LSM8: variants seen among roughly 807,000 people sequenced by gnomAD.
LSM8 encodes the protein LSM8 homolog, U6 small nuclear RNA associated.
Under a neutral mutation model 15.0 loss-of-function variants are expected in LSM8, and 14 were observed. The ratio of observed to expected loss-of-function variants is 0.93; its 90% CI spans 0.62 to 1.46. The LOEUF is 1.46. Ranked by LOEUF, LSM8 falls within the 40% of genes most tolerant of loss-of-function variation. LSM8 has a pLI of 0.00. For missense variants in LSM8, 90 were observed against 115.4 expected, an observed-to-expected ratio of 0.78 and a Z score of 1.01; for synonymous variants, 50 against 42.1, an observed-to-expected ratio of 1.19 and a Z score of -0.73.
Position 118,192,837 on chromosome 7 carries a change from CTAT to C in LSM8, c.*840_*842del, listed in dbSNP as rs770100577. On this transcript the variant is annotated 3_prime_UTR_variant, in exon 4 of 4. Transcript: ENST00000249299. ...TAAGTTTGTATTGAAGTAGTGCTAG[CTAT>C]TATTGTCAGCAATTTTCCATGATTC... The C allele has an allele frequency of 3.3e-5, 5 of 152,032 alleles. No homozygotes were observed. The highest frequency in any genetic ancestry group is 4.4e-5 in the Non-Finnish European group (3 of 67,966). 9.4% of individuals were successfully genotyped at this position (152,032 alleles called of 1,614,324 possible).
chr7:118,200,926 C>T lies in LSM8; in HGVS notation c.*8924C>T, dbSNP rs998522045. Among the ~76,000 whole-genome samples the T allele has an allele frequency of 2.0e-5, 3 of 151,998 alleles. No homozygotes were observed. Among genetic ancestry groups the T allele is most frequent in the Admixed American group, 1.3e-4 (2 of 15,224 alleles). On this transcript the variant is annotated 3_prime_UTR_variant, in exon 4 of 4. Coordinates refer to ENST00000249299, the MANE Select transcript of LSM8 (RefSeq NM_016200.5). ...ATTAATGGGCTAAATTTCCCATTAG[C>T]AAACACTTTTCACATATACACTAAT...
intron 3 of LSM8, chr7:118,191,141 C>T (rs1808974772): frequency 6.6e-6 from 1 of 151,728 alleles, no homozygotes; most frequent in Non-Finnish European, 1.5e-5. Flanking sequence ...TCATTAAAAC[C>T]AAACAAATGT....
In LSM8 at chr7:118,202,479, A is replaced by G. The variant is rs927231702; in HGVS notation, c.*10477A>G. ...ATTTGCCTGTCATCTCGTGACTCAT[A>G]TTTTCCATCTAATTAGAATAAAGAA... On this transcript the variant is annotated 3_prime_UTR_variant, in exon 4 of 4. Coordinates refer to ENST00000249299, the MANE Select transcript of LSM8 (RefSeq NM_016200.5). Among the ~76,000 whole-genome samples the G allele has an allele frequency of 6.6e-6, 1 of 151,944 alleles. No homozygotes were observed. Among genetic ancestry groups the G allele is most frequent in the Non-Finnish European group, 1.5e-5 (1 of 67,944 alleles).
chr7:118,186,536 C>T (rs1366672610), intron 2 of LSM8, among the ~76,000 whole-genome samples: 1 of 152,026 alleles, frequency 6.6e-6, no homozygotes, highest in African/African-American at 2.4e-5. Flanking sequence ...AAAGTTCTAG[C>T]TTTGTCCTTT....
rs1809014298 is a variant in LSM8, at chr7:118,193,156, G to C, written c.*1154G>C. On this transcript the variant is annotated 3_prime_UTR_variant, in exon 4 of 4. Coordinates refer to ENST00000249299, the MANE Select transcript of LSM8 (RefSeq NM_016200.5). ...CCAGATAGTCTTTTAGGCTTTGAAG[G>C]CCATGTGGTCTGTCACAGCTACTCA... Among the ~76,000 whole-genome samples the C allele has an allele frequency of 6.6e-6, 1 of 152,082 alleles. No individual in the cohort carries two copies. The highest frequency in any genetic ancestry group is 2.4e-5 in the African/African-American group (1 of 41,440).
At position 118,196,028 on chromosome 7, in the gene LSM8, A is replaced by G. The variant is rs1350583886; in HGVS notation, c.*4026A>G. Among the ~76,000 whole-genome samples, 3 of 152,216 alleles carry G rather than the reference A, an allele frequency of 2.0e-5. No homozygotes were observed. The highest frequency in any genetic ancestry group is 4.4e-5 in the Non-Finnish European group (3 of 68,042). On this transcript the variant is annotated 3_prime_UTR_variant, in exon 4 of 4. Coordinates refer to ENST00000249299, the MANE Select transcript of LSM8 (RefSeq NM_016200.5). ...TCATTCCTCTGTATAGTGGGAAACC[A>G]TGAGACGTGCTTAGTCTTCATAAAT...
Position 118,201,679 on chromosome 7 carries a change from T to C in LSM8, c.*9677T>C, listed in dbSNP as rs114623859. Among the ~76,000 whole-genome samples, 982 of 152,112 alleles carry C rather than the reference T, an allele frequency of 6.5e-3. 9 individuals carry two copies. The highest frequency in any genetic ancestry group is 0.022 in the African/African-American group (917 of 41,526). ...CTTTTACTGCAAAAATAAAAATGAG[T>C]TTATCCTTGCCCTAAAGCTGTAAAA... On this transcript the variant is annotated 3_prime_UTR_variant, in exon 4 of 4. Coordinates refer to ENST00000249299, the MANE Select transcript of LSM8 (RefSeq NM_016200.5).
Position 118,184,248 on chromosome 7 carries a change from A to G in LSM8, c.25A>G (p.Ile9Val). The change falls in exon 1 of 4, where the codon ATC (isoleucine) becomes GTC (valine). Residue 9 changes from isoleucine to valine, a missense_variant. Physicochemically the swap from Ile to Val is conservative, Grantham distance 29. Coordinates refer to ENST00000249299, the MANE Select transcript of LSM8 (RefSeq NM_016200.5). The stretch of plus-strand genomic sequence containing the variant: ...CATGACGTCCGCTTTGGAGAACTAC[A>G]TCAACCGTATCCTCAAGCTGGCCGC... MTSALENY[I>V]NRTVAVITSD... is the part of the protein sequence containing the mutation. 2 of 1,523,372 alleles carry G rather than the reference A, an allele frequency of 1.3e-6. No homozygotes were observed. The highest frequency in any genetic ancestry group is 1.8e-6 in the Non-Finnish European group (2 of 1,130,796). The allele number at this position is 1,523,372 out of a possible 1,614,324, so 94.4% of individuals were successfully genotyped here.
chr7:118,184,183 T>TCGGCACCGCTGCGTTACC lies in LSM8; in HGVS notation c.-37_-20dup. ...CGCGCCCTTTCAGTTCTGCTTGCTGTCGGCACCGCTGCGTTACCCGGAACC... is the reference window on the plus strand; with the variant it reads ...CGCGCCCTTTCAGTTCTGCTTGCTGTCGGCACCGCTGCGTTACCCGGCACCGCTGCGTTACCCGGAACC... On this transcript the variant is annotated 5_prime_UTR_variant, in exon 1 of 4. Transcript: ENST00000249299. The TCGGCACCGCTGCGTTACC allele has an allele frequency of 1.3e-6, 2 of 1,544,662 alleles. No individual in the cohort carries two copies. The highest frequency in any genetic ancestry group is 2.5e-5 in the East Asian group (1 of 39,722).
intron 2 of LSM8, among the ~76,000 whole-genome samples, chr7:118,187,429 T>C (rs1808905496): frequency 6.6e-6 from 1 of 152,226 alleles, no homozygotes; most frequent in African/African-American, 2.4e-5. Context: ...ATTAGTATAG[T>C]CACATTTGTA....
chr7:118,184,457 C>G (rs1808849217), intron 1 of LSM8: 1 of 504,236 alleles, frequency 2.0e-6, no homozygotes, highest in Non-Finnish European at 3.3e-6. Flanking sequence ...TCCATTTTGC[C>G]TGCAAAACCC....
rs1316931885 is a variant in LSM8 at position 118,199,703 on chromosome 7, A to C, written c.*7701A>C. Among the ~76,000 whole-genome samples the C allele has an allele frequency of 6.6e-6, 1 of 152,136 alleles. No homozygotes were observed. Among genetic ancestry groups the C allele is most frequent in the East Asian group, 1.9e-4 (1 of 5,188 alleles). On this transcript the variant is annotated 3_prime_UTR_variant, in exon 4 of 4. Coordinates refer to ENST00000249299, the MANE Select transcript of LSM8 (RefSeq NM_016200.5). ...GTGCTGGGAACTTAGATGTAACCAA[A>C]GACTTAAAAGATACTAGTCTTTAAG...
chr7:118,184,855 C>T (rs1259833524), intron 1 of LSM8: 1 of 152,186 alleles, frequency 6.6e-6, no homozygotes, highest in Non-Finnish European at 1.5e-5. Context: ...AAAAACACTA[C>T]GTTAAGCTCA....
At position 118,199,074 on chromosome 7, in the gene LSM8, G is replaced by T. The variant is rs990876426; in HGVS notation, c.*7072G>T. ...CAGCTCCACTGGGAGAGGACATCTT[G>T]AAGTTTGTGCCTGGTTTCTCCTGAT... On this transcript the variant is annotated 3_prime_UTR_variant, in exon 4 of 4. Transcript: ENST00000249299. Among the ~76,000 whole-genome samples, 1 of 152,184 alleles carries T rather than the reference G, an allele frequency of 6.6e-6. No homozygotes were observed. The highest frequency in any genetic ancestry group is 1.5e-5 in the Non-Finnish European group (1 of 68,028).
In LSM8 at chr7:118,185,797, C is replaced by G. The variant is rs1303454113; in HGVS notation, c.72+103C>G. The G allele has an allele frequency of 3.2e-5, 31 of 970,168 alleles. 1 individual carries two copies. The South Asian group carries it at 4.4e-4, about 14-fold the overall frequency. The allele number at this position is 970,168 out of a possible 1,614,324, so 60.1% of individuals were successfully genotyped here. A position where few individuals can be genotyped will look rare whatever the true frequency, so the allele number is the denominator to read the frequency against. ...TAATGCCTAGACAGCACATTACACC[C>G]GTAGTGCAATTTTATTATAATTCAG... On this transcript the variant is annotated intron_variant, in intron 2 of 3. Transcript: ENST00000249299.
chr7:118,185,403 CTA>C (rs1275607621), intron 1 of LSM8: 2 of 404,132 alleles, frequency 4.9e-6, no homozygotes, highest in Non-Finnish European at 8.9e-6. Flanking sequence ...GTAGCTGGGA[CTA>C]TAGGTCACCA....
intron 3 of LSM8, 193 bp downstream of exon 3, chr7:118,188,598 T>C (rs946623159): frequency 6.7e-6 from 3 of 447,584 alleles, no homozygotes; most frequent in Non-Finnish European, 1.1e-5. Context: ...TCAGCACTTC[T>C]TTAGGTTTCA....
chr7:118,186,249 T>TA (rs546214755), intron 2 of LSM8, among the ~76,000 whole-genome samples: 141 of 152,302 alleles, frequency 9.3e-4, no homozygotes, highest in South Asian at 8.3e-4. Flanking sequence ...ATAACTAAGA[T>TA]AAAACGTTCC....
Position 118,200,173 on chromosome 7 carries a change from C to T in LSM8, c.*8171C>T, listed in dbSNP as rs1809148770. ...TTTCTGACTTCCAAATATAAACAAC[C>T]TAAGCATTGTGCAGTAGCCATGAGG... On this transcript the variant is annotated 3_prime_UTR_variant, in exon 4 of 4. Coordinates refer to ENST00000249299, the MANE Select transcript of LSM8 (RefSeq NM_016200.5). Among the ~76,000 whole-genome samples, 1 of 152,112 alleles carries T rather than the reference C, an allele frequency of 6.6e-6. No homozygotes were observed. The highest frequency in any genetic ancestry group is 2.4e-5 in the African/African-American group (1 of 41,426).
Sources: gnomAD v4.1 joint callset for allele counts (sites outside exome capture counted in the v4.1 genomes callset) on GRCh38, gnomAD v4.1.1 for gene constraint, MANE v1.5 for transcripts, NCBI Gene and HGNC (gene_info 2026-07-23, HGNC 2026-07-21) for gene names.